Variants in PRKN observed in about 807,000 individuals in gnomAD.
PRKN encodes parkin RBR E3 ubiquitin protein ligase.
Under a neutral mutation model 59.5 loss-of-function variants are expected in PRKN, and 56 were observed. The observed-to-expected ratio is 0.94, with a 90% confidence interval of 0.76 to 1.18. PRKN has a LOEUF of 1.18. Ranked by LOEUF, PRKN falls within the 50% of genes most tolerant of loss-of-function variation. The pLI is 0.00. For missense variants in PRKN, 657 were observed against 596.4 expected (o/e 1.10, Z -1.06); for synonymous variants, 250 against 222.1 (o/e 1.13, Z -1.12).
rs9346856 is a variant in PRKN, at chr6:161,461,189, T to C, written c.1084-74312A>G. Among the ~76,000 whole-genome samples the C allele has an allele frequency of 0.041, 6,243 of 152,274 alleles. 186 individuals are homozygous for C. Among genetic ancestry groups the C allele is most frequent in the African/African-American group, 0.07 (2,906 of 41,538 alleles). On this transcript the variant is annotated intron_variant, in intron 9 of 11. Coordinates refer to ENST00000366898, the MANE Select transcript of PRKN (RefSeq NM_004562.3). The surrounding 1 kb of genome is among the most constrained non-coding windows in gnomAD (Gnocchi z 5.1). ...ACAGAGAAAGAGTTTTGCTAGCCAGTGGCTCAGAGGAAGCAGCGGCCTGTG... is the reference window on the plus strand; with the variant it reads ...ACAGAGAAAGAGTTTTGCTAGCCAGCGGCTCAGAGGAAGCAGCGGCCTGTG...
At chr6:162,626,239 A>T (rs1583934616) in intron 1 of PRKN, among the ~76,000 whole-genome samples, 2 of 152,316 alleles carry the variant, frequency 1.3e-5, no homozygotes, top group East Asian at 1.9e-4. Flanking sequence ...GACAAAACAA[A>T]TGTGATGTTT....
intron 6 of PRKN, among the ~76,000 whole-genome samples, chr6:161,866,534 C>T (rs1261818553): frequency 1.3e-5 from 2 of 152,022 alleles, no homozygotes; most frequent in African/African-American, 4.8e-5. Context: ...GAGATCGCAC[C>T]ACTGCACTCT....
At chr6:161,821,441 A>T (rs1396899188) in intron 6 of PRKN, among the ~76,000 whole-genome samples, 4 of 150,538 alleles carry the variant, frequency 2.7e-5, no homozygotes, top group Non-Finnish European at 5.9e-5. Flanking sequence ...AATAAAAGGG[A>T]TTTTTTTTTT....
chr6:161,384,354 G>A (rs1786135306), intron 10 of PRKN, among the ~76,000 whole-genome samples: 1 of 152,090 alleles, frequency 6.6e-6, no homozygotes, highest in African/African-American at 2.4e-5. Context: ...CCCAGCCTGG[G>A]CAACATGCTG....
chr6:162,699,788 C>T (rs1184827443), intron 1 of PRKN, among the ~76,000 whole-genome samples: 1 of 152,066 alleles, frequency 6.6e-6, no homozygotes, highest in African/African-American at 2.4e-5. Context: ...AATCATCTGT[C>T]TCTCCCAAAC....
At chr6:161,654,877 A>G (rs112346192) in intron 7 of PRKN, among the ~76,000 whole-genome samples, 2,456 of 152,220 alleles carry the variant, frequency 0.016, 57 homozygotes, top group African/African-American at 0.056. Flanking sequence ...TGGATGGCCC[A>G]CTCTAGGAGT....
At position 162,346,433 on chromosome 6, in the gene PRKN, T is replaced by C. The variant is rs112840332; in HGVS notation, c.172-83668A>G. 6.8e-3 allele frequency among the ~76,000 whole-genome samples: 963 copies of C among 141,070 alleles called. 5 individuals carry two copies. Among genetic ancestry groups the C allele is most frequent in the Non-Finnish European group, 0.011 (748 of 65,862 alleles). 92.5% of individuals were successfully genotyped at this position (141,070 alleles called of 152,430 possible). On this transcript the variant is annotated intron_variant, in intron 2 of 11. Transcript: ENST00000366898. ...GAGTTCGAGACCAGCCTGGGCAACA[T>C]AGTGAAAAATCTGTCTCTACAAAAA...
At chr6:162,713,277 G>A (rs958485483) in intron 1 of PRKN, among the ~76,000 whole-genome samples, 4 of 152,040 alleles carry the variant, frequency 2.6e-5, no homozygotes, top group East Asian at 1.9e-4. Context: ...GGCGGATCAC[G>A]AGGTCAGAAG....
chr6:161,585,110 G>T (rs539228506), intron 7 of PRKN, among the ~76,000 whole-genome samples: 1 of 152,132 alleles, frequency 6.6e-6, no homozygotes, highest in Admixed American at 6.5e-5. Flanking sequence ...TGTAGTCAGC[G>T]TTCCTTTTCT....
chr6:162,696,218 T>C (rs1777960621), intron 1 of PRKN, among the ~76,000 whole-genome samples: 1 of 152,084 alleles, frequency 6.6e-6, no homozygotes, highest in Non-Finnish European at 1.5e-5. Flanking sequence ...AGAAAACAAC[T>C]AGGAAAATAT....
At chr6:162,296,486 C>T (rs889047664) in intron 2 of PRKN, among the ~76,000 whole-genome samples, 16 of 152,012 alleles carry the variant, frequency 1.1e-4, no homozygotes, top group South Asian at 2.1e-4. Context: ...TGAAATCCCC[C>T]GGAGCTGCCT....
chr6:162,185,049 T>C (rs1583167580), intron 4 of PRKN, among the ~76,000 whole-genome samples: 3 of 152,252 alleles, frequency 2.0e-5, no homozygotes, highest in East Asian at 3.9e-4. Context: ...AAGACAAAAG[T>C]GGCATCGTTA....
intron 4 of PRKN, among the ~76,000 whole-genome samples, chr6:162,095,751 G>A (rs1175619001): frequency 2.6e-5 from 4 of 152,118 alleles, no homozygotes; most frequent in Non-Finnish European, 2.9e-5. Flanking sequence ...TTGGTATCAA[G>A]AACGTGGGCT....
chr6:161,926,572 G>A (rs6902346), intron 6 of PRKN, among the ~76,000 whole-genome samples: 1 of 152,092 alleles, frequency 6.6e-6, no homozygotes, highest in African/African-American at 2.4e-5. Flanking sequence ...TTAATACATC[G>A]ACCCTTTCAA....
At chr6:162,421,016 G>T (rs1212992734) in intron 2 of PRKN, among the ~76,000 whole-genome samples, 2 of 152,184 alleles carry the variant, frequency 1.3e-5, no homozygotes, top group Non-Finnish European at 2.9e-5. Flanking sequence ...AGCTAGCATT[G>T]AACTCACACA....
At chr6:162,674,613 T>C (rs576423551) in intron 1 of PRKN, among the ~76,000 whole-genome samples, 15 of 152,288 alleles carry the variant, frequency 9.8e-5, no homozygotes, top group African/African-American at 3.1e-4. Flanking sequence ...AACATTCTGT[T>C]GGGGTCAATT....
intron 7 of PRKN, among the ~76,000 whole-genome samples, chr6:161,696,922 T>C (rs1180328696): frequency 2.0e-5 from 3 of 152,186 alleles, no homozygotes; most frequent in Non-Finnish European, 4.4e-5. Flanking sequence ...ACTCAGAAAC[T>C]AAAGAGAACA....
chr6:162,663,097 T>C (rs1167795596), intron 1 of PRKN, among the ~76,000 whole-genome samples: 1 of 152,160 alleles, frequency 6.6e-6, no homozygotes, highest in Non-Finnish European at 1.5e-5. Context: ...CATCAACCCA[T>C]TGCCTGTGCA....
chr6:162,365,442 T>G (rs1422648977), intron 2 of PRKN, among the ~76,000 whole-genome samples: 1 of 152,176 alleles, frequency 6.6e-6, no homozygotes, highest in Admixed American at 6.6e-5. Flanking sequence ...TTTTACTGTT[T>G]CAAAATCAAA....
Sources: allele counts gnomAD v4.1 joint callset (sites outside exome capture counted in the v4.1 genomes callset), GRCh38; gene constraint gnomAD v4.1.1; non-coding constraint Gnocchi (gnomAD v3.1); transcripts MANE v1.5; gene names NCBI Gene and HGNC (gene_info 2026-07-23, HGNC 2026-07-21).